Variants in CFAP20DC observed in about 807,000 individuals in gnomAD.
CFAP20DC encodes protein CFAP20DC.
A neutral mutation model predicts 101.7 loss-of-function variants in CFAP20DC; 84 were observed. The ratio of observed to expected loss-of-function variants is 0.83; its 90% CI spans 0.69 to 0.99. CFAP20DC has a LOEUF of 0.99. Ranked by LOEUF, CFAP20DC falls within the 50% of genes least tolerant of loss-of-function variation. The pLI, the probability that CFAP20DC is intolerant of heterozygous loss-of-function variation, is 0.00. For missense variants in CFAP20DC, 1,007 were observed against 970.3 expected (o/e 1.04, Z -0.50); for synonymous variants, 359 against 351.2 (o/e 1.02, Z -0.25).
intron 4 of CFAP20DC, among the ~76,000 whole-genome samples, chr3:58,952,189 T>C (rs1207374451): frequency 6.6e-6 from 1 of 152,204 alleles, no homozygotes; most frequent in Non-Finnish European, 1.5e-5. Context: ...TGATACGTTA[T>C]TACAGTAGTC....
In CFAP20DC at chr3:59,025,642, C is replaced by A. The variant is rs546246069; in HGVS notation, c.278+13915G>T. Among the ~76,000 whole-genome samples, 77 of 152,152 alleles carry A rather than the reference C, an allele frequency of 5.1e-4. 1 individual carries two copies. Among genetic ancestry groups the A allele is most frequent in the African/African-American group, 1.8e-3 (76 of 41,500 alleles). ...ATACAAAGGTGTTCAGAAACTTGTCCCAGGTCACCATGCTAATAAGTGGTA... is the reference window on the plus strand; with the variant it reads ...ATACAAAGGTGTTCAGAAACTTGTCACAGGTCACCATGCTAATAAGTGGTA... On this transcript the variant is annotated intron_variant, in intron 4 of 16. Coordinates refer to ENST00000482387, the MANE Select transcript of CFAP20DC (RefSeq NM_001394063.1).
At chr3:59,021,085 GA>G (rs1222427930) in intron 4 of CFAP20DC, among the ~76,000 whole-genome samples, 1 of 151,990 alleles carries the variant, frequency 6.6e-6, no homozygotes, top group African/African-American at 2.4e-5. Flanking sequence ...ATGGAAGATG[GA>G]AACAGTCCAG....
chr3:59,019,794 G>C (rs1482430356), intron 4 of CFAP20DC, among the ~76,000 whole-genome samples: 2 of 152,046 alleles, frequency 1.3e-5, no homozygotes, highest in African/African-American at 4.8e-5. Flanking sequence ...ATTCTCAAAG[G>C]GTAGTTTGGG....
intron 6 of CFAP20DC, among the ~76,000 whole-genome samples, chr3:58,888,784 A>T (rs1384256348): frequency 1.3e-5 from 2 of 152,224 alleles, no homozygotes. Context: ...ATATGCGTGC[A>T]TGTATCCTTA....
At chr3:58,887,365 G>C (rs1396189753) in intron 6 of CFAP20DC, 9 of 152,116 alleles carry the variant, frequency 5.9e-5, no homozygotes, top group African/African-American at 2.2e-4. Context: ...AATAAATGAA[G>C]GTTTTTTAAA....
intron 3 of CFAP20DC, among the ~76,000 whole-genome samples, chr3:59,043,288 GA>G (rs1699561238): frequency 6.6e-6 from 1 of 152,104 alleles, no homozygotes. Context: ...AGGAGGCTAA[GA>G]AAGAAGAACA....
At chr3:58,877,499 T>C (rs911711125) in intron 7 of CFAP20DC, among the ~76,000 whole-genome samples, 1 of 152,226 alleles carries the variant, frequency 6.6e-6, no homozygotes, top group South Asian at 2.1e-4. Context: ...TCAATCTTTC[T>C]GCAATTTCCA....
intron 6 of CFAP20DC, among the ~76,000 whole-genome samples, chr3:58,887,841 A>T (rs1235244735): frequency 1.3e-5 from 2 of 152,220 alleles, no homozygotes; most frequent in East Asian, 3.8e-4. Context: ...AATGTTTTTT[A>T]AAAAACACTG....
intron 4 of CFAP20DC, chr3:58,970,660 T>A (rs2091898158): frequency 6.6e-6 from 1 of 152,184 alleles, no homozygotes; most frequent in African/African-American, 2.4e-5. Context: ...ATCATCAGTC[T>A]TGAAGAAAAA....
At chr3:58,813,413 C>G (rs992877998) in intron 14 of CFAP20DC, among the ~76,000 whole-genome samples, 1 of 151,916 alleles carries the variant, frequency 6.6e-6, no homozygotes, top group African/African-American at 2.4e-5. Flanking sequence ...TCAACATTCT[C>G]ATTTTATTAC....
intron 6 of CFAP20DC, among the ~76,000 whole-genome samples, chr3:58,895,006 G>A (rs2082553937): frequency 6.6e-6 from 1 of 152,192 alleles, no homozygotes; most frequent in African/African-American, 2.4e-5. Flanking sequence ...TGGGTCACAG[G>A]GCACCAAGTC....
intron 4 of CFAP20DC, among the ~76,000 whole-genome samples, chr3:58,961,243 C>T (rs1490229996): frequency 1.3e-5 from 2 of 152,128 alleles, no homozygotes; most frequent in Non-Finnish European, 2.9e-5. Context: ...AGGATAATAG[C>T]GGTCTCATAA....
At chr3:58,961,491 T>G (rs1365756756) in intron 4 of CFAP20DC, among the ~76,000 whole-genome samples, 1 of 152,094 alleles carries the variant, frequency 6.6e-6, no homozygotes, top group African/African-American at 2.4e-5. Context: ...GAGGCAGAGG[T>G]TGCAGTGAGC....
At chr3:58,900,275 C>T (rs931870991) in intron 6 of CFAP20DC, among the ~76,000 whole-genome samples, 1 of 152,184 alleles carries the variant, frequency 6.6e-6, no homozygotes, top group East Asian at 1.9e-4. Flanking sequence ...GCACCTGGTT[C>T]AAAGGGGATG....
At position 58,825,348 on chromosome 3, in the gene CFAP20DC, G is replaced by C. The variant is rs562635339; in HGVS notation, c.2175+6338C>G. On this transcript the variant is annotated intron_variant, in intron 14 of 16. Coordinates refer to ENST00000482387, the MANE Select transcript of CFAP20DC (RefSeq NM_001394063.1). ...TAAGCACCAGGCACATGCATTTCAT[G>C]TACTCATTCGATTTGCATAATGCCA... 2.0e-3 allele frequency among the ~76,000 whole-genome samples: 310 copies of C among 152,230 alleles called. 3 individuals carry two copies. Among genetic ancestry groups the C allele is most frequent in the African/African-American group, 7.3e-3 (303 of 41,554 alleles).
intron 3 of CFAP20DC, among the ~76,000 whole-genome samples, chr3:59,041,333 T>C (rs1350449381): frequency 1.3e-5 from 2 of 152,142 alleles, no homozygotes; most frequent in East Asian, 3.8e-4. Context: ...AGTTTTGTAA[T>C]TCAACTTTCT....
At chr3:59,005,670 A>G (rs773522905) in intron 4 of CFAP20DC, among the ~76,000 whole-genome samples, 3 of 152,220 alleles carry the variant, frequency 2.0e-5, no homozygotes, top group African/African-American at 4.8e-5. Flanking sequence ...TAGACAGACA[A>G]TAACTGTTAC....
Position 58,721,440 on chromosome 3 carries a change from G to A in CFAP20DC, c.198-3812C>T, listed in dbSNP as rs949666120. ...CTAGTGCTATGAATATTTATTCCAG[G>A]AGTCTGACCTAATGAAGAAGGTCAG... On this transcript the variant is annotated intron_variant, in intron 3 of 3. Transcript: ENST00000486145. The surrounding 1 kb of genome is among the most constrained non-coding windows in gnomAD (Gnocchi z 5.2). Among the ~76,000 whole-genome samples, 1 of 152,112 alleles carries A rather than the reference G, an allele frequency of 6.6e-6. No individual in the cohort carries two copies. The highest frequency in any genetic ancestry group is 2.4e-5 in the African/African-American group (1 of 41,410).
Position 58,891,231 on chromosome 3 carries a change from C to T in CFAP20DC, c.551-6522G>A, listed in dbSNP as rs377204147. On this transcript the variant is annotated intron_variant, in intron 6 of 16. Transcript: ENST00000482387. Reference sequence around the variant, plus strand: ...CGCGGTTAGGGGCTGGAGACCGGCCCGGCCAACACAGCGAAACCCCGTCTC... The same window carrying T: ...CGCGGTTAGGGGCTGGAGACCGGCCTGGCCAACACAGCGAAACCCCGTCTC... Among the ~76,000 whole-genome samples the T allele has an allele frequency of 2.0e-3, 302 of 152,020 alleles. 5 individuals are homozygous for T. In the East Asian group the frequency reaches 0.053, roughly 27 times the overall value.
Sources: gnomAD v4.1 joint callset for allele counts (sites outside exome capture counted in the v4.1 genomes callset) on GRCh38, gnomAD v4.1.1 for gene constraint, Gnocchi (gnomAD v3.1) non-coding constraint, MANE v1.5 for transcripts, NCBI Gene and HGNC (gene_info 2026-07-23, HGNC 2026-07-21) for gene names.